The following SRPX variants were observed in gnomAD, a reference collection of about 807,000 sequenced individuals.
SRPX encodes the protein sushi repeat containing protein X-linked, also known as sushi repeat-containing protein SRPX.
Under a neutral mutation model 38.1 loss-of-function variants are expected in SRPX, and 24 were observed. The observed-to-expected ratio is 0.63, with a 90% CI of 0.46 to 0.89. SRPX has a LOEUF of 0.89. SRPX is among the 40% of genes least tolerant of loss of function. The probability of loss-of-function intolerance (pLI) is 0.00; values close to 1 mark genes in which losing one functional copy is unlikely to be tolerated. For missense variants in SRPX, 416 were observed against 377.8 expected, an observed-to-expected ratio of 1.10 and a Z score of -0.84; for synonymous variants, 184 against 153.8, an observed-to-expected ratio of 1.20 and a Z score of -1.45.
chrX:38,180,773 T>C (rs749640727), intron 1 of SRPX, among the ~76,000 whole-genome samples: 3 of 112,397 alleles, frequency 2.7e-5, no homozygotes, highest in African/African-American at 6.5e-5. Flanking sequence ...TCAATCATAT[T>C]ATGATCCATT....
chrX:38,195,689 A>T (rs192919552), intron 1 of SRPX, among the ~76,000 whole-genome samples: 2 of 111,860 alleles, frequency 1.8e-5, no homozygotes, highest in African/African-American at 6.5e-5. Flanking sequence ...GAGAGTCCCA[A>T]TGAAAACTCA....
chrX:38,183,908 C>T (rs866008870), intron 1 of SRPX, among the ~76,000 whole-genome samples: 1 of 111,442 alleles, frequency 9.0e-6, no homozygotes, highest in Admixed American at 9.5e-5. Context: ...TAATTTTGCT[C>T]TCCTTGCAAA....
intron 1 of SRPX, among the ~76,000 whole-genome samples, chrX:38,207,524 G>A (rs926624575): frequency 8.9e-6 from 1 of 112,389 alleles, no homozygotes; most frequent in African/African-American, 3.2e-5. Flanking sequence ...TTGTGATGTG[G>A]CATGTGGTCC....
chrX:38,214,463 A>G lies in SRPX; in HGVS notation c.97+6233T>C, dbSNP rs972066816. 5.0e-4 allele frequency among the ~76,000 whole-genome samples: 56 copies of G among 111,563 alleles called. 1 individual carries two copies. Among genetic ancestry groups the G allele is most frequent in the African/African-American group, 1.8e-3 (55 of 30,695 alleles). ...TCCACAGATCCACTGAGAGCCTCCC[A>G]GAAGTCAGGCTCCCTGCTAGACCAT... On this transcript the variant is annotated intron_variant, in intron 1 of 9. Transcript: ENST00000378533.
At chrX:38,208,145 T>C (rs1939248138) in intron 1 of SRPX, among the ~76,000 whole-genome samples, 1 of 112,033 alleles carries the variant, frequency 8.9e-6, no homozygotes. Flanking sequence ...CGCCCACACA[T>C]ACATTTGTGG....
intron 1 of SRPX, among the ~76,000 whole-genome samples, chrX:38,181,885 G>C (rs994314506): frequency 3.7e-4 from 41 of 110,758 alleles, no homozygotes; most frequent in African/African-American, 1.3e-3. Context: ...GTCTTTTGTA[G>C]ATAAGAGAGG....
intron 4 of SRPX, 50 bp downstream of exon 4, chrX:38,171,831 C>T (rs776825868): frequency 3.6e-5 from 42 of 1,169,996 alleles, no homozygotes; most frequent in Non-Finnish European, 4.5e-5. Flanking sequence ...GTGAACACCC[C>T]CTGCTCCTCC....
At chrX:38,193,256 A>G (rs1938939293) in intron 1 of SRPX, among the ~76,000 whole-genome samples, 1 of 111,781 alleles carries the variant, frequency 8.9e-6, no homozygotes, top group Non-Finnish European at 1.9e-5. Flanking sequence ...GGAGGGGGGG[A>G]AATGCAAACA....
intron 5 of SRPX, among the ~76,000 whole-genome samples, chrX:38,162,884 A>C (rs972728103): frequency 1.8e-5 from 2 of 112,927 alleles, no homozygotes; most frequent in East Asian, 5.5e-4. Context: ...AAAAAGAACA[A>C]GGTGAATATT....
chrX:38,163,298 C>T (rs1299212093), intron 5 of SRPX, among the ~76,000 whole-genome samples: 2 of 112,118 alleles, frequency 1.8e-5, no homozygotes, highest in Non-Finnish European at 3.8e-5. Context: ...AGAAACTGTA[C>T]TGTTATTGCT....
intron 1 of SRPX, among the ~76,000 whole-genome samples, chrX:38,181,577 G>GT (rs1408543164): frequency 9.0e-6 from 1 of 111,643 alleles, no homozygotes; most frequent in Non-Finnish European, 1.9e-5. Flanking sequence ...GGCAGCAACA[G>GT]TTTCCTAGCC....
At chrX:38,217,018 C>T (rs1939432442) in intron 1 of SRPX, among the ~76,000 whole-genome samples, 1 of 112,286 alleles carries the variant, frequency 8.9e-6, no homozygotes. Context: ...CATGGTGGCA[C>T]AAAGCCCTGT....
chrX:38,149,853 A>G lies in SRPX; in HGVS notation c.1253T>C (p.Leu418Pro). ...TTTGTCCATGCCATGCTTATCCACT[A>G]GCACCATACTGAAGGAGTAGAGTGG... Reference protein sequence around the residue: ...RIPLYSFSMVLVDKHGMDKER... With the variant: ...RIPLYSFSMVPVDKHGMDKER... Residue 418 changes from leucine to proline, a missense_variant, in exon 10 of 10, where the codon CTA becomes CCA. By Grantham distance (98) the Leu-to-Pro change is moderately conservative (BLOSUM62 -3). Coordinates refer to ENST00000378533, the MANE Select transcript of SRPX (RefSeq NM_006307.5). The G allele has an allele frequency of 8.3e-7, 1 of 1,210,517 alleles. No individual in the cohort carries two copies. Among genetic ancestry groups the G allele is most frequent in the Non-Finnish European group, 1.1e-6 (1 of 895,023 alleles).
chrX:38,157,147 G>A, intron 7 of SRPX, 118 bp from the exon 8 acceptor site: 2 of 915,922 alleles, frequency 2.2e-6, no homozygotes, highest in South Asian at 5.4e-5. Flanking sequence ...AAGGATTCAA[G>A]TGTAAACAGT....
intron 1 of SRPX, among the ~76,000 whole-genome samples, chrX:38,218,801 G>A (rs1039969543): frequency 1.2e-4 from 13 of 111,928 alleles, no homozygotes; most frequent in African/African-American, 4.2e-4. Context: ...GCCTTCCAAA[G>A]CCTCTGGCTT....
At chrX:38,170,612 G>A (rs1451090875) in intron 4 of SRPX, among the ~76,000 whole-genome samples, 1 of 111,277 alleles carries the variant, frequency 9.0e-6, no homozygotes, top group African/African-American at 3.3e-5. Context: ...CCTGAACCTT[G>A]TTCTGACAAA....
intron 1 of SRPX, among the ~76,000 whole-genome samples, chrX:38,195,608 A>G (rs1938985814): frequency 9.0e-6 from 1 of 111,395 alleles, no homozygotes; most frequent in Non-Finnish European, 1.9e-5. Flanking sequence ...TTGCCAATAA[A>G]ATTAGAGAGT....
chrX:38,174,106 A>G lies in SRPX; in HGVS notation c.349+54T>C, dbSNP rs1398208320. The G allele has an allele frequency of 5.2e-6, 5 of 955,746 alleles. No homozygotes were observed. In the Admixed American group the frequency reaches 1.6e-4, roughly 31 times the overall value. The allele number at this position is 955,746 out of a possible 1,213,427, so 78.8% of individuals were successfully genotyped here. ...TGAAAATCCTCAATCTCAGAGCAAA[A>G]GAACTTTGGCTCTGGTCATCCCTGA... On this transcript the variant is annotated intron_variant, in intron 3 of 9. Coordinates refer to ENST00000378533, the MANE Select transcript of SRPX (RefSeq NM_006307.5).
At chrX:38,177,236 T>C (rs1938582064) in intron 2 of SRPX, among the ~76,000 whole-genome samples, 1 of 111,771 alleles carries the variant, frequency 8.9e-6, no homozygotes, top group African/African-American at 3.3e-5. Flanking sequence ...CTTTGCTTGA[T>C]TGGTTAATTC....
Sources: allele counts gnomAD v4.1 joint callset (sites outside exome capture counted in the v4.1 genomes callset), GRCh38; gene constraint gnomAD v4.1.1; transcripts MANE v1.5; gene names NCBI Gene and HGNC (gene_info 2026-07-23, HGNC 2026-07-21).